The following CNTN5 variants were observed in gnomAD, a reference collection of about 807,000 sequenced individuals.
CNTN5 encodes contactin-5.
Under a neutral mutation model 129.1 loss-of-function variants are expected in CNTN5, and 77 were observed. That is an observed-to-expected ratio of 0.60 (90% CI 0.50 to 0.72). The LOEUF (loss-of-function observed/expected upper bound fraction) is 0.72. CNTN5 is among the 30% of genes least tolerant of loss of function. The pLI is 0.00. For missense variants in CNTN5, 1,478 were observed against 1,328.8 expected, an observed-to-expected ratio of 1.11 and a Z score of -1.75; for synonymous variants, 509 against 465.6, an observed-to-expected ratio of 1.09 and a Z score of -1.20.
intron 2 of CNTN5, among the ~76,000 whole-genome samples, chr11:99,532,326 G>A (rs1157515387): frequency 6.6e-6 from 1 of 152,116 alleles, no homozygotes; most frequent in Non-Finnish European, 1.5e-5. Context: ...GTACCCCATT[G>A]TTTCTAGGAA....
At chr11:99,408,779 G>A (rs907432927) in intron 2 of CNTN5, among the ~76,000 whole-genome samples, 3 of 152,164 alleles carry the variant, frequency 2.0e-5, no homozygotes, top group African/African-American at 7.2e-5. Context: ...TTAAATTTGA[G>A]TCAGAGCCTG....
chr11:99,812,084 T>A (rs1946445102), intron 3 of CNTN5, among the ~76,000 whole-genome samples: 1 of 152,094 alleles, frequency 6.6e-6, no homozygotes, highest in Admixed American at 6.6e-5. Context: ...TGGAAGTCAG[T>A]TATCACACAC....
At chr11:99,760,969 T>C (rs1035572601) in intron 3 of CNTN5, among the ~76,000 whole-genome samples, 2 of 152,164 alleles carry the variant, frequency 1.3e-5, no homozygotes, top group African/African-American at 4.8e-5. Context: ...TGTGGGTTAT[T>C]TGTTTTATTG....
chr11:99,469,338 T>C (rs1565208731), intron 2 of CNTN5, among the ~76,000 whole-genome samples: 1 of 152,132 alleles, frequency 6.6e-6, no homozygotes, highest in Non-Finnish European at 1.5e-5. Context: ...TATTCTACAG[T>C]TTTATTTCTA....
intron 1 of CNTN5, among the ~76,000 whole-genome samples, chr11:99,310,473 C>A (rs943076176): frequency 1.3e-5 from 2 of 152,048 alleles, no homozygotes; most frequent in East Asian, 3.9e-4. Flanking sequence ...TTAATTATTA[C>A]GTTGGTAAAA....
At chr11:99,585,170 C>A (rs938896199) in intron 3 of CNTN5, among the ~76,000 whole-genome samples, 1 of 152,180 alleles carries the variant, frequency 6.6e-6, no homozygotes, top group Non-Finnish European at 1.5e-5. Context: ...TTTAATTTTA[C>A]AGTATGAAAA....
intron 1 of CNTN5, among the ~76,000 whole-genome samples, chr11:99,205,337 C>A (rs66565528): frequency 2.0e-5 from 3 of 151,856 alleles, no homozygotes; most frequent in Non-Finnish European, 4.4e-5. Flanking sequence ...CATAACCCTC[C>A]CCCTCTAGAT....
intron 2 of CNTN5, among the ~76,000 whole-genome samples, chr11:99,543,638 C>T (rs187094602): frequency 1.8e-4 from 28 of 152,046 alleles, no homozygotes; most frequent in Non-Finnish European, 3.4e-4. Flanking sequence ...AGAAATTAGG[C>T]CGGGTGCGGT....
chr11:99,644,035 A>G (rs533565158), intron 3 of CNTN5, among the ~76,000 whole-genome samples: 5 of 152,200 alleles, frequency 3.3e-5, no homozygotes, highest in Non-Finnish European at 7.3e-5. Flanking sequence ...TGAATTAAAT[A>G]TGTAAGAATT....
chr11:100,140,089 A>G (rs1358506265), intron 13 of CNTN5, among the ~76,000 whole-genome samples: 2 of 152,202 alleles, frequency 1.3e-5, no homozygotes, highest in Non-Finnish European at 2.9e-5. Context: ...ATCCCTTAAC[A>G]GTGAAGAGGG....
intron 1 of CNTN5, among the ~76,000 whole-genome samples, chr11:99,249,546 A>G (rs1861991917): frequency 6.6e-6 from 1 of 152,092 alleles, no homozygotes; most frequent in Admixed American, 6.6e-5. Flanking sequence ...GATTTAACTC[A>G]TGTAATAAAT....
intron 2 of CNTN5, among the ~76,000 whole-genome samples, chr11:99,364,782 T>C (rs763839842): frequency 6.6e-6 from 1 of 152,090 alleles, no homozygotes; most frequent in Non-Finnish European, 1.5e-5. Context: ...TTGGTTGAGC[T>C]TCATGACCTT....
intron 2 of CNTN5, among the ~76,000 whole-genome samples, chr11:99,325,838 T>C (rs1865764524): frequency 6.6e-6 from 1 of 152,190 alleles, no homozygotes; most frequent in Non-Finnish European, 1.5e-5. Context: ...TCCTGTTCCA[T>C]GATATCTTTC....
At chr11:99,387,666 C>T (rs1270467911) in intron 2 of CNTN5, among the ~76,000 whole-genome samples, 1 of 91,692 alleles carries the variant, frequency 1.1e-5, no homozygotes, top group East Asian at 2.7e-4. Flanking sequence ...TTTTTCTGGA[C>T]TCCTGCTACT....
chr11:99,652,419 G>A lies in CNTN5; in HGVS notation c.55+96150G>A, dbSNP rs116574214. 2.9e-3 allele frequency among the ~76,000 whole-genome samples: 441 copies of A among 152,038 alleles called. 3 individuals are homozygous for A. Among genetic ancestry groups the A allele is most frequent in the African/African-American group, 0.01 (418 of 41,506 alleles). On this transcript the variant is annotated intron_variant, in intron 3 of 24. Coordinates refer to ENST00000524871, the MANE Select transcript of CNTN5 (RefSeq NM_014361.4). ...TTGTCATATAAAGTAACCTAATCAA[G>A]AGAGTGACTGTTCTATATGATTCAG...
chr11:99,845,991 A>G (rs1947681062), intron 6 of CNTN5, among the ~76,000 whole-genome samples: 2 of 152,170 alleles, frequency 1.3e-5, no homozygotes. Context: ...ATAAGATAGC[A>G]TATTCTAAAA....
intron 3 of CNTN5, among the ~76,000 whole-genome samples, chr11:99,737,279 C>T (rs10736567): frequency 6.6e-6 from 1 of 152,020 alleles, no homozygotes; most frequent in African/African-American, 2.4e-5. Flanking sequence ...TTATCATATT[C>T]TTCGTATTTA....
At chr11:99,366,023 G>GTCAGAGGAA (rs1939422799) in intron 2 of CNTN5, among the ~76,000 whole-genome samples, 2 of 152,198 alleles carry the variant, frequency 1.3e-5, no homozygotes, top group African/African-American at 4.8e-5. Context: ...ACTTAAAGTT[G>GTCAGAGGAA]TCAGAGGAAA....
At chr11:100,322,123 A>C (rs750447008) in intron 21 of CNTN5, among the ~76,000 whole-genome samples, 1 of 152,116 alleles carries the variant, frequency 6.6e-6, no homozygotes, top group Non-Finnish European at 1.5e-5. Flanking sequence ...GGTTTTTACC[A>C]GTTTTTGAAA....
Sources: gnomAD v4.1 joint callset for allele counts (sites outside exome capture counted in the v4.1 genomes callset) on GRCh38, gnomAD v4.1.1 for gene constraint, MANE v1.5 for transcripts, NCBI Gene and HGNC (gene_info 2026-07-23, HGNC 2026-07-21) for gene names.